PCDHGA2: variants seen among roughly 807,000 people sequenced by gnomAD.
The protein encoded by PCDHGA2 is protocadherin gamma-A2.
Under a neutral mutation model 59.2 loss-of-function variants are expected in PCDHGA2, and 40 were observed. The ratio of observed to expected loss-of-function variants is 0.68; its 90% CI spans 0.52 to 0.88. The LOEUF (loss-of-function observed/expected upper bound fraction) is 0.88, where lower values mean the gene tolerates loss of function less well. PCDHGA2 is among the 40% of genes least tolerant of loss of function. The probability of loss-of-function intolerance (pLI) is 0.00; values close to 1 mark genes in which losing one functional copy is unlikely to be tolerated. For synonymous variants in PCDHGA2, 560 were observed against 526.0 expected (o/e 1.06, Z -0.89); for missense variants, 1,226 against 1,204.0 (o/e 1.02, Z -0.27).
At position 141,340,859 on chromosome 5, in the gene PCDHGA2, C is replaced by T. The variant is rs746905563; in HGVS notation, c.1888C>T (p.Arg630Ter). ...GCACACGGGCGAGGTGCGCACGGCG[C>T]GAGCCCTGCTGGACAGAGACGCGCT... The part of the protein sequence containing the change: ...GLHTGEVRTA[R>*]ALLDRDALKQ... The change falls in exon 1 of 4, where the codon CGA becomes TGA. Residue 630 changes from arginine (R) to a stop codon, truncating the protein, a stop_gained. Transcript: ENST00000394576. LOFTEE classifies it high-confidence loss of function. 8.1e-6 allele frequency: 13 copies of T among 1,613,464 alleles called. No individual in the cohort carries two copies. Among genetic ancestry groups the T allele is most frequent in the Middle Eastern group, 1.7e-4 (1 of 5,870 alleles).
intron 1 of PCDHGA2, chr5:141,385,154 C>A (rs761681846): frequency 6.2e-7 from 1 of 1,614,208 alleles, no homozygotes; most frequent in Admixed American, 1.7e-5. Context: ...TTCCTGCAGA[C>A]CTATTCCCAT....
intron 1 of PCDHGA2, chr5:141,374,429 C>A: frequency 6.2e-7 from 1 of 1,613,972 alleles, no homozygotes. Context: ...TAAACTGAAT[C>A]TTTATCCCGT....
At chr5:141,364,862 TTC>T in intron 1 of PCDHGA2, 3 of 1,613,988 alleles carry the variant, frequency 1.9e-6, no homozygotes, top group Non-Finnish European at 2.5e-6. Context: ...CAATCTGCAC[TTC>T]TCTCTGGATG....
At chr5:141,423,177 C>T (rs748689237) in intron 1 of PCDHGA2, 3 of 1,613,430 alleles carry the variant, frequency 1.9e-6, no homozygotes, top group Non-Finnish European at 2.5e-6. Context: ...TCCAGGACCA[C>T]GGCCAGCCCC....
In PCDHGA2 at chr5:141,511,502, A is replaced by G. The variant is rs953158220; in HGVS notation, c.*329A>G. ...CTGAACTCCTCCATCTTCCAAATCAATCAGGCCCATCCATCCCATGCCTCC... is the reference window on the plus strand; with the variant it reads ...CTGAACTCCTCCATCTTCCAAATCAGTCAGGCCCATCCATCCCATGCCTCC... On this transcript the variant is annotated 3_prime_UTR_variant, in exon 4 of 4. Transcript: ENST00000394576. The G allele has an allele frequency of 1.3e-5, 5 of 395,150 alleles. No homozygotes were observed. Among genetic ancestry groups the G allele is most frequent in the African/African-American group, 1.0e-4 (5 of 48,770 alleles). The allele number at this position is 395,150 out of a possible 1,614,324, so 24.5% of individuals were successfully genotyped here.
chr5:141,474,516 T>G (rs999585038), intron 1 of PCDHGA2, among the ~76,000 whole-genome samples: 1 of 152,240 alleles, frequency 6.6e-6, no homozygotes, highest in Non-Finnish European at 1.5e-5. Context: ...GCCCTCTTGC[T>G]GGTCTGGCTA....
intron 1 of PCDHGA2, chr5:141,346,629 C>T (rs1757781972): frequency 1.0e-6 from 1 of 997,118 alleles, no homozygotes; most frequent in South Asian, 1.8e-5. Flanking sequence ...ACTCCCCGGT[C>T]TGGTTATGGT....
intron 1 of PCDHGA2, chr5:141,344,668 T>C: frequency 3.1e-6 from 5 of 1,614,008 alleles, no homozygotes; most frequent in Non-Finnish European, 4.2e-6. Flanking sequence ...CAGCTTGTCC[T>C]GGTTGCCTCT....
chr5:141,354,708 A>G (rs1031330796), intron 1 of PCDHGA2, among the ~76,000 whole-genome samples: 2 of 152,190 alleles, frequency 1.3e-5, no homozygotes, highest in African/African-American at 4.8e-5. Context: ...CTATACTGAG[A>G]ATGGGCTGTG....
chr5:141,400,502 A>C, intron 1 of PCDHGA2: 1 of 1,614,020 alleles, frequency 6.2e-7, no homozygotes, highest in Non-Finnish European at 8.5e-7. Flanking sequence ...AATTCCAGCG[A>C]GTCGACTTCC....
chr5:141,444,093 G>A (rs531514787), intron 1 of PCDHGA2, among the ~76,000 whole-genome samples: 1 of 147,730 alleles, frequency 6.8e-6, no homozygotes, highest in East Asian at 2.0e-4. Flanking sequence ...GTCTGCTAAG[G>A]ATTGGAAACC....
At chr5:141,409,168 G>T in intron 1 of PCDHGA2, 1 of 1,614,032 alleles carries the variant, frequency 6.2e-7, no homozygotes, top group Non-Finnish European at 8.5e-7. Flanking sequence ...TGGAAGCGAA[G>T]GACGGAGGTG....
At chr5:141,469,548 C>A (rs2099204726) in intron 1 of PCDHGA2, among the ~76,000 whole-genome samples, 1 of 152,212 alleles carries the variant, frequency 6.6e-6, no homozygotes, top group East Asian at 1.9e-4. Context: ...GCACTCCAGC[C>A]TGGCGACAGA....
chr5:141,423,264 C>T (rs1452323474), intron 1 of PCDHGA2: 6 of 1,613,868 alleles, frequency 3.7e-6, no homozygotes, highest in Non-Finnish European at 5.1e-6. Context: ...TCGGCAGCCT[C>T]GAGTCTCTGG....
chr5:141,382,110 G>A (rs1480214134), intron 1 of PCDHGA2, among the ~76,000 whole-genome samples: 1 of 151,982 alleles, frequency 6.6e-6, no homozygotes, highest in Non-Finnish European at 1.5e-5. Context: ...TTACAGGCGT[G>A]AGCAACAGCA....
chr5:141,423,943 G>GA, intron 1 of PCDHGA2: 1 of 1,211,382 alleles, frequency 8.3e-7, no homozygotes, highest in Non-Finnish European at 1.0e-6. Flanking sequence ...GAAGTAAGTT[G>GA]AATTTTAGTA....
chr5:141,511,093 G>A lies in PCDHGA2; in HGVS notation c.2719G>A (p.Ala907Thr), dbSNP rs377350933. The change falls in exon 4 of 4, where the codon GCA (alanine) becomes ACA (threonine). Residue 907 changes from alanine to threonine, a missense_variant. Physicochemically the swap from Ala to Thr is moderately conservative, Grantham distance 58. Coordinates refer to ENST00000394576, the MANE Select transcript of PCDHGA2 (RefSeq NM_018915.4). Reference protein sequence around the residue: ...IPGSNATLTNAAGKRDGKAPA... With the variant: ...IPGSNATLTNTAGKRDGKAPA... ...AGGCAGCAATGCCACACTGACCAACGCAGCTGGCAAGCGGGATGGCAAGGC... is the reference window on the plus strand; with the variant it reads ...AGGCAGCAATGCCACACTGACCAACACAGCTGGCAAGCGGGATGGCAAGGC... 8 of 1,614,072 alleles carry A rather than the reference G, an allele frequency of 5.0e-6. No individual in the cohort carries two copies. Among genetic ancestry groups the A allele is most frequent in the African/African-American group, 4.0e-5 (3 of 74,916 alleles).
chr5:141,343,825 G>T, intron 1 of PCDHGA2: 1 of 490,082 alleles, frequency 2.0e-6, no homozygotes. Context: ...TGGAGAACTA[G>T]TCCACCATTT....
In PCDHGA2 at chr5:141,486,432, G is replaced by T; in HGVS notation, c.2425-8375G>T. On this transcript the variant is annotated intron_variant, in intron 1 of 3. Coordinates refer to ENST00000394576, the MANE Select transcript of PCDHGA2 (RefSeq NM_018915.4). This position sits in a 1 kb window ranked among gnomAD's most constrained non-coding sequence, Gnocchi z 5.0. ...CCCTTGGATCGAGAGGCCAAATCTA[G>T]CTATGACATCATGGTCACTGCTTCT... 4 of 1,614,172 alleles carry T rather than the reference G, an allele frequency of 2.5e-6. No homozygotes were observed. Among genetic ancestry groups the T allele is most frequent in the Non-Finnish European group, 2.5e-6 (3 of 1,180,020 alleles).
Sources: gnomAD v4.1 joint callset for allele counts (sites outside exome capture counted in the v4.1 genomes callset) on GRCh38, gnomAD v4.1.1 for gene constraint, Gnocchi (gnomAD v3.1) non-coding constraint, MANE v1.5 for transcripts, NCBI Gene and HGNC (gene_info 2026-07-23, HGNC 2026-07-21) for gene names.